C10orf90: variants seen among roughly 807,000 people sequenced by gnomAD.
C10orf90 encodes (E2-independent) E3 ubiquitin-conjugating enzyme FATS.
C10orf90 carries 56 observed loss-of-function variants against 62.5 expected under a neutral mutation model. The ratio of observed to expected loss-of-function variants is 0.90; its 90% CI spans 0.72 to 1.12. The LOEUF is 1.12. C10orf90 is among the 50% of genes most tolerant of loss of function. The pLI is 0.00. For missense variants in C10orf90, 970 were observed against 880.4 expected (o/e 1.10, Z -1.29); for synonymous variants, 386 against 340.4 (o/e 1.13, Z -1.47).
chr10:126,565,419 TATATATTATATATATTATAC>T (rs1392459721), intron 2 of C10orf90, among the ~76,000 whole-genome samples: 3 of 15,678 alleles, frequency 1.9e-4, no homozygotes, highest in Admixed American at 8.4e-4. Flanking sequence ...ATATATATTA[TATATATTATATATATTATAC>T]ACACACACAC....
intron 2 of C10orf90, among the ~76,000 whole-genome samples, chr10:126,530,900 G>T (rs769287709): frequency 6.6e-6 from 1 of 152,144 alleles, no homozygotes; most frequent in African/African-American, 2.4e-5. Flanking sequence ...CAGGCCAGGC[G>T]CGGTGGCTCA....
At chr10:126,507,788 G>C (rs932975178) in intron 3 of C10orf90, among the ~76,000 whole-genome samples, 8 of 152,150 alleles carry the variant, frequency 5.3e-5, no homozygotes, top group South Asian at 4.1e-4. Flanking sequence ...AGTGTTCTTA[G>C]AGCTTCCAGT....
rs1846728270 is a variant in C10orf90 at position 126,670,466 on chromosome 10, T to A, written c.15A>T (p.Gly5=). MQHS[G]IPTKTHPQGY... is the part of the protein sequence containing the mutation. ...CCTGCGGATGAGTTTTTGTAGGAATTCCAGAGTGCTGCATGAGACTCAGTA... is the reference window on the plus strand; with the variant it reads ...CCTGCGGATGAGTTTTTGTAGGAATACCAGAGTGCTGCATGAGACTCAGTA... Residue 5 remains glycine (G), a synonymous_variant, in exon 1 of 10, where the codon GGA becomes GGT. Transcript: ENST00000488181. The A allele has an allele frequency of 4.4e-6, 2 of 456,552 alleles. No individual in the cohort carries two copies. Among genetic ancestry groups the A allele is most frequent in the Non-Finnish European group, 8.8e-6 (2 of 226,978 alleles). The allele number at this position is 456,552 out of a possible 1,614,324, so 28.3% of individuals were successfully genotyped here.
intron 5 of C10orf90, among the ~76,000 whole-genome samples, 155 bp downstream of exon 5, chr10:126,464,540 TG>T (rs1413201863): frequency 1.3e-5 from 2 of 152,182 alleles, no homozygotes; most frequent in African/African-American, 2.4e-5. Flanking sequence ...GCTTCCTACT[TG>T]GCAACCATTT....
At chr10:126,589,293 C>T (rs1174403725) in intron 2 of C10orf90, among the ~76,000 whole-genome samples, 2 of 152,138 alleles carry the variant, frequency 1.3e-5, no homozygotes, top group Non-Finnish European at 2.9e-5. Flanking sequence ...TTCAGGATAT[C>T]ATCCAGGAGA....
Position 126,649,068 on chromosome 10 carries a change from CTCT to C in C10orf90, c.241-2434_241-2432del, listed in dbSNP as rs1239133321. On this transcript the variant is annotated intron_variant, in intron 1 of 9. Transcript: ENST00000488181. ...TCTCTCTCTCTCTCTCTCTCTCTCT[CTCT>C]CCCCCCCCCCCAGCAATTCACAATG... Among the ~76,000 whole-genome samples, 259 of 52,918 alleles carry C rather than the reference CTCT, an allele frequency of 4.9e-3. 5 individuals are homozygous for C. The highest frequency in any genetic ancestry group is 0.013 in the African/African-American group (161 of 12,580). The allele number at this position is 52,918 out of a possible 152,430, so 34.7% of individuals were successfully genotyped here. A position where few individuals can be genotyped will look rare whatever the true frequency, so the allele number is the denominator to read the frequency against.
At chr10:126,610,204 G>A (rs1845403733) in intron 2 of C10orf90, among the ~76,000 whole-genome samples, 2 of 152,182 alleles carry the variant, frequency 1.3e-5, no homozygotes, top group South Asian at 4.1e-4. Flanking sequence ...TTCACCCAAG[G>A]GGACCACAGT....
chr10:126,668,905 T>C (rs543952243), intron 1 of C10orf90, among the ~76,000 whole-genome samples: 1 of 152,362 alleles, frequency 6.6e-6, no homozygotes, highest in South Asian at 2.1e-4. Context: ...CATATTGTTT[T>C]AATCAGTGTG....
At chr10:126,497,739 G>A (rs1862144126) in intron 4 of C10orf90, among the ~76,000 whole-genome samples, 1 of 152,194 alleles carries the variant, frequency 6.6e-6, no homozygotes. Context: ...GAGCTATAAG[G>A]TCTCTGTCCC....
chr10:126,578,558 CTG>C (rs1396053926), intron 2 of C10orf90, among the ~76,000 whole-genome samples: 1 of 152,174 alleles, frequency 6.6e-6, no homozygotes, highest in Non-Finnish European at 1.5e-5. Flanking sequence ...TGAAATCACT[CTG>C]TAAAATTATT....
intron 2 of C10orf90, among the ~76,000 whole-genome samples, chr10:126,596,519 T>C (rs532352794): frequency 9.9e-4 from 151 of 152,254 alleles, no homozygotes; most frequent in African/African-American, 3.6e-3. Context: ...AAATCTATTG[T>C]AAGTTGAAAA....
At chr10:126,611,613 T>G (rs180685276) in intron 2 of C10orf90, among the ~76,000 whole-genome samples, 4 of 152,346 alleles carry the variant, frequency 2.6e-5, no homozygotes, top group Admixed American at 6.5e-5. Flanking sequence ...CAGCAGTGTA[T>G]GAGGATTTTA....
chr10:126,542,829 A>T (rs1864407777), intron 2 of C10orf90, among the ~76,000 whole-genome samples: 2 of 152,222 alleles, frequency 1.3e-5, no homozygotes, highest in African/African-American at 4.8e-5. Flanking sequence ...TATCTATTAA[A>T]ATGTACAATG....
chr10:126,580,697 T>G (rs1844730496), intron 2 of C10orf90, among the ~76,000 whole-genome samples: 1 of 151,748 alleles, frequency 6.6e-6, no homozygotes, highest in Non-Finnish European at 1.5e-5. Context: ...TATCCTCTCC[T>G]TCTCCACAGC....
intron 2 of C10orf90, among the ~76,000 whole-genome samples, chr10:126,532,842 C>CAAAAAAAAAAAAAA (rs1269013268): frequency 0.064 from 770 of 12,000 alleles, 197 homozygotes; most frequent in Non-Finnish European, 0.086. Flanking sequence ...GACTACGTCT[C>CAAAAAAAAAAAAAA]AAAAAAAAAA....
At chr10:126,440,774 G>A (rs1858257601) in intron 7 of C10orf90, among the ~76,000 whole-genome samples, 1 of 152,140 alleles carries the variant, frequency 6.6e-6, no homozygotes, top group African/African-American at 2.4e-5. Flanking sequence ...TGGGTGGCTG[G>A]ACCCAGAAGA....
At chr10:126,654,296 T>C (rs573641323) in intron 1 of C10orf90, among the ~76,000 whole-genome samples, 22 of 152,372 alleles carry the variant, frequency 1.4e-4, no homozygotes, top group South Asian at 2.1e-4. Flanking sequence ...TGAAAATCTG[T>C]TGTTTAGTTT....
intron 1 of C10orf90, among the ~76,000 whole-genome samples, chr10:126,664,087 G>T (rs1433533394): frequency 6.6e-6 from 1 of 152,158 alleles, no homozygotes; most frequent in African/African-American, 2.4e-5. Flanking sequence ...CCAGGAGTAG[G>T]CGTGCTCTAA....
intron 2 of C10orf90, among the ~76,000 whole-genome samples, chr10:126,557,936 G>A (rs1019532293): frequency 5.3e-5 from 8 of 151,952 alleles, no homozygotes; most frequent in Admixed American, 6.6e-5. Context: ...GGGGGGTGAC[G>A]GTGTTGAGTC....
Sources: allele counts gnomAD v4.1 joint callset (sites outside exome capture counted in the v4.1 genomes callset), GRCh38; gene constraint gnomAD v4.1.1; transcripts MANE v1.5; gene names NCBI Gene and HGNC (gene_info 2026-07-23, HGNC 2026-07-21).